Variants in GRID2 observed in about 807,000 individuals in gnomAD.
GRID2 encodes glutamate receptor ionotropic, delta-2.
In GRID2, 33 loss-of-function variants were observed where a neutral mutation model predicts 114.8. The ratio of observed to expected loss-of-function variants is 0.29; its 90% CI spans 0.22 to 0.38. GRID2 has a LOEUF of 0.38. Ranked by LOEUF, GRID2 falls within the 10% of genes least tolerant of loss-of-function variation. GRID2 has a pLI of 1.00. For missense variants in GRID2, 1,184 were observed against 1,257.7 expected (o/e 0.94, Z 0.89); for synonymous variants, 505 against 449.9 (o/e 1.12, Z -1.55).
At chr4:92,446,347 ACT>A (rs1010564292) in intron 1 of GRID2, among the ~76,000 whole-genome samples, 10 of 152,166 alleles carry the variant, frequency 6.6e-5, no homozygotes, top group Non-Finnish European at 1.2e-4. Flanking sequence ...ACAAGGTCTG[ACT>A]CTGAGATAAA....
rs34480915 is a variant in GRID2, at chr4:93,159,693, ATT to A, written c.736-47696_736-47695del. 3.4e-3 allele frequency among the ~76,000 whole-genome samples: 451 copies of A among 131,012 alleles called. 1 individual carries two copies. The highest frequency in any genetic ancestry group is 7.4e-3 in the African/African-American group (266 of 35,744). The allele number at this position is 131,012 out of a possible 152,430, so 85.9% of individuals were successfully genotyped here. On this transcript the variant is annotated intron_variant, in intron 4 of 15. Transcript: ENST00000282020. Reference sequence around the variant, plus strand: ...CAGATAAGAATTTTTTTCCATCTGCATTTTTTTTTTTTTTTTGCTTTTCTGTT... The same window carrying A: ...CAGATAAGAATTTTTTTCCATCTGCATTTTTTTTTTTTTTGCTTTTCTGTT...
intron 2 of GRID2, among the ~76,000 whole-genome samples, chr4:93,073,855 G>A (rs1729028520): frequency 6.6e-6 from 1 of 152,168 alleles, no homozygotes; most frequent in South Asian, 2.1e-4. Context: ...AAGATGAGGG[G>A]CAGTAACAGT....
intron 2 of GRID2, among the ~76,000 whole-genome samples, chr4:92,912,105 G>A (rs1748427424): frequency 6.6e-6 from 1 of 151,738 alleles, no homozygotes; most frequent in African/African-American, 2.4e-5. Flanking sequence ...TATTGCTGAA[G>A]ACAAAACACT....
At chr4:92,711,734 C>T (rs571411260) in intron 2 of GRID2, among the ~76,000 whole-genome samples, 14 of 152,016 alleles carry the variant, frequency 9.2e-5, no homozygotes, top group Non-Finnish European at 1.5e-4. Context: ...AAAACTCTGT[C>T]TTTACAAAAA....
chr4:93,267,187 TA>T (rs59939553), intron 8 of GRID2, among the ~76,000 whole-genome samples: 96,968 of 143,718 alleles, frequency 0.67, 32,442 homozygotes, highest in Middle Eastern at 0.84. Flanking sequence ...TTAATTTTAT[TA>T]TTTTTTTTAT....
chr4:93,034,831 A>G (rs1724771181), intron 2 of GRID2, among the ~76,000 whole-genome samples: 1 of 152,170 alleles, frequency 6.6e-6, no homozygotes, highest in African/African-American at 2.4e-5. Context: ...GAGTCTCTCC[A>G]TAAACTTTAC....
chr4:93,058,891 G>T (rs547878971), intron 2 of GRID2, among the ~76,000 whole-genome samples: 3 of 151,968 alleles, frequency 2.0e-5, no homozygotes, highest in South Asian at 2.1e-4. Context: ...CATTATAAAA[G>T]AAATTGTTAC....
rs1727307488 is a variant in GRID2, at chr4:92,565,791, T to A, written c.89-24340T>A. Among the ~76,000 whole-genome samples the A allele has an allele frequency of 1.3e-5, 2 of 152,030 alleles. 1 individual carries two copies. Among genetic ancestry groups the A allele is most frequent in the South Asian group, 4.1e-4 (2 of 4,838 alleles). On this transcript the variant is annotated intron_variant, in intron 1 of 15. Transcript: ENST00000282020. ...TTGCTCTCAGACACTAGTGAATAAT[T>A]TATTACTGTTCATAGTTTAAAGAAT...
At chr4:93,267,371 G>A (rs1028425119) in intron 8 of GRID2, among the ~76,000 whole-genome samples, 8 of 152,054 alleles carry the variant, frequency 5.3e-5, no homozygotes, top group African/African-American at 1.7e-4. Flanking sequence ...GGGATCAGAG[G>A]ACAGTCCTCG....
intron 1 of GRID2, among the ~76,000 whole-genome samples, chr4:92,466,865 C>T (rs185398821): frequency 4.0e-5 from 6 of 151,102 alleles, no homozygotes; most frequent in Admixed American, 2.6e-4. Flanking sequence ...GTAAACATAC[C>T]ACCTTAATGG....
chr4:92,711,957 A>T (rs557971620), intron 2 of GRID2, among the ~76,000 whole-genome samples: 1 of 152,198 alleles, frequency 6.6e-6, no homozygotes, highest in Non-Finnish European at 1.5e-5. Context: ...GTCAATCCAG[A>T]TGATGTCTTT....
intron 14 of GRID2, among the ~76,000 whole-genome samples, chr4:93,761,189 CAT>C (rs1733176919): frequency 6.6e-6 from 1 of 152,136 alleles, no homozygotes; most frequent in African/African-American, 2.4e-5. Flanking sequence ...GATATTACTA[CAT>C]GTTAATACAT....
intron 13 of GRID2, among the ~76,000 whole-genome samples, chr4:93,541,522 C>T (rs1732650542): frequency 6.6e-6 from 1 of 152,194 alleles, no homozygotes; most frequent in South Asian, 2.1e-4. Flanking sequence ...AATAAGAATT[C>T]TCTCTCTATC....
rs546430217 is a variant in GRID2, at chr4:92,692,158, A to C, written c.244+101872A>C. On this transcript the variant is annotated intron_variant, in intron 2 of 15. Coordinates refer to ENST00000282020, the MANE Select transcript of GRID2 (RefSeq NM_001510.4). ...ATTAAGATTCCTGTTTCTCCCAGTG[A>C]AGTTAAAAACTAACAACATGTAAGA... is the stretch of plus-strand genomic sequence containing the variant. Among the ~76,000 whole-genome samples the C allele has an allele frequency of 9.3e-4, 141 of 152,292 alleles. 1 individual carries two copies. Among genetic ancestry groups the C allele is most frequent in the Middle Eastern group, 3.4e-3 (1 of 294 alleles).
rs539301134 is a variant in GRID2 at position 92,679,172 on chromosome 4, G to C, written c.244+88886G>C. 5.9e-5 allele frequency among the ~76,000 whole-genome samples: 9 copies of C among 152,072 alleles called. No individual in the cohort carries two copies. The South Asian group carries it at 1.9e-3, about 32-fold the overall frequency. On this transcript the variant is annotated intron_variant, in intron 2 of 15. Coordinates refer to ENST00000282020, the MANE Select transcript of GRID2 (RefSeq NM_001510.4). ...TTTCATAAGTCTTTGGTCAAGCCTT[G>C]AAAATTAAAATCGTTGTACTGATTC...
intron 3 of GRID2, among the ~76,000 whole-genome samples, chr4:93,091,578 A>C (rs1200216285): frequency 6.6e-6 from 1 of 151,936 alleles, no homozygotes; most frequent in Admixed American, 6.6e-5. Flanking sequence ...CTCTCCCTCT[A>C]CCTCCAGCAA....
intron 12 of GRID2, among the ~76,000 whole-genome samples, chr4:93,498,363 G>C (rs1300355049): frequency 6.6e-6 from 1 of 151,860 alleles, no homozygotes. Flanking sequence ...CCAGCCATGA[G>C]AGCAGAGCCT....
chr4:92,564,213 A>G (rs1727230941), intron 1 of GRID2, among the ~76,000 whole-genome samples: 1 of 152,036 alleles, frequency 6.6e-6, no homozygotes, highest in Non-Finnish European at 1.5e-5. Flanking sequence ...GGAAAAATAA[A>G]CTCTAAGAAT....
intron 3 of GRID2, among the ~76,000 whole-genome samples, chr4:93,093,855 AG>A (rs2149332194): frequency 6.6e-6 from 1 of 152,144 alleles, no homozygotes; most frequent in East Asian, 1.9e-4. Flanking sequence ...AAGGAGGGGA[AG>A]GGATTGTGGA....
Sources: gnomAD v4.1 joint callset for allele counts (sites outside exome capture counted in the v4.1 genomes callset) on GRCh38, gnomAD v4.1.1 for gene constraint, MANE v1.5 for transcripts, NCBI Gene and HGNC (gene_info 2026-07-23, HGNC 2026-07-21) for gene names.